The following OTUD5 variants were observed in gnomAD, a reference collection of about 807,000 sequenced individuals.
The protein encoded by OTUD5 is OTU domain-containing protein 5.
In OTUD5, 2 loss-of-function variants were observed where a neutral mutation model predicts 36.3. The ratio of observed to expected loss-of-function variants is 0.06; its 90% CI spans 0.02 to 0.17. OTUD5 has a LOEUF of 0.17. OTUD5 is among the 10% of genes least tolerant of loss of function. OTUD5 has a pLI of 1.00. For missense variants in OTUD5, 233 were observed against 512.3 expected (o/e 0.45, Z 5.26); for synonymous variants, 234 against 214.9 (o/e 1.09, Z -0.78).
In OTUD5 at chrX:48,954,914, G is replaced by A. The variant is rs781868550; in HGVS notation, c.594+2063C>T. ...GGAGGACCTTCTTGGCCCTGGCCAC[G>A]AGGGAGCTCTGGATAAGGGGTTCAT... On this transcript the variant is annotated intron_variant, in intron 1 of 8. Transcript: ENST00000376488. Among the ~76,000 whole-genome samples, 6 of 111,876 alleles carry A rather than the reference G, an allele frequency of 5.4e-5. No homozygotes were observed. The East Asian group carries it at 1.4e-3, about 26-fold the overall frequency.
intron 5 of OTUD5, among the ~76,000 whole-genome samples, chrX:48,932,660 G>A (rs1557049090): frequency 9.0e-6 from 1 of 111,058 alleles, no homozygotes; most frequent in African/African-American, 3.3e-5. Flanking sequence ...AGAAAAAGAG[G>A]AAGCTGGGTG....
At position 48,934,697 on chromosome X, in the gene OTUD5, C is replaced by A. The variant is rs2063804610; in HGVS notation, c.910+14G>T. 8.3e-7 allele frequency: 1 copy of A among 1,204,465 alleles called. No individual in the cohort carries two copies. Among genetic ancestry groups the A allele is most frequent in the African/African-American group, 1.8e-5 (1 of 57,095 alleles). On this transcript the variant is annotated intron_variant, in intron 4 of 8. Coordinates refer to ENST00000376488, the MANE Select transcript of OTUD5 (RefSeq NM_001136157.2). ...AGGCACCATCTTTCCCTCACCTACCCACTGCAGAAGTACCTGTGCTGTACT... is the reference window on the plus strand; with the variant it reads ...AGGCACCATCTTTCCCTCACCTACCAACTGCAGAAGTACCTGTGCTGTACT...
At chrX:48,947,988 G>A (rs1267153071) in intron 1 of OTUD5, among the ~76,000 whole-genome samples, 1 of 112,373 alleles carries the variant, frequency 8.9e-6, no homozygotes, top group African/African-American at 3.2e-5. Context: ...CAGATGCAAA[G>A]GGTGACCTCG....
intron 5 of OTUD5, among the ~76,000 whole-genome samples, chrX:48,932,744 G>A (rs1397120463): frequency 9.0e-6 from 1 of 111,221 alleles, no homozygotes; most frequent in Non-Finnish European, 1.9e-5. Context: ...AAGAGTTCAA[G>A]GTCAGCCTCG....
intron 6 of OTUD5, among the ~76,000 whole-genome samples, chrX:48,924,901 T>C (rs1180072225): frequency 8.9e-6 from 1 of 111,947 alleles, no homozygotes; most frequent in African/African-American, 3.3e-5. Context: ...ACGGGGATCT[T>C]GGTCTGCTGG....
In OTUD5 at chrX:48,939,133, T is replaced by C. The variant is rs181114721; in HGVS notation, c.689-4115A>G. ...ACACAGAAATGTGGCAAAGCTTGCCTGGGATCACAGATTTAGGGGGAGTGA... is the reference window on the plus strand; with the variant it reads ...ACACAGAAATGTGGCAAAGCTTGCCCGGGATCACAGATTTAGGGGGAGTGA... On this transcript the variant is annotated intron_variant, in intron 2 of 8. Coordinates refer to ENST00000376488, the MANE Select transcript of OTUD5 (RefSeq NM_001136157.2). 6.9e-3 allele frequency among the ~76,000 whole-genome samples: 777 copies of C among 111,865 alleles called. 8 individuals are homozygous for C. Among genetic ancestry groups the C allele is most frequent in the African/African-American group, 0.024 (728 of 30,760 alleles).
At chrX:48,944,353 C>T in intron 1 of OTUD5, 70 bp from the exon 2 acceptor site, 1 of 676,549 alleles carries the variant, frequency 1.5e-6, no homozygotes. Flanking sequence ...CGACCTCAAG[C>T]TCCCGAGAGG....
intron 1 of OTUD5, among the ~76,000 whole-genome samples, chrX:48,954,180 T>C (rs1557054569): frequency 1.8e-5 from 2 of 110,835 alleles, no homozygotes; most frequent in Non-Finnish European, 3.8e-5. Context: ...AAGCAGGTCT[T>C]GAACTCCAGG....
At chrX:48,947,537 T>C (rs1331505135) in intron 1 of OTUD5, among the ~76,000 whole-genome samples, 1 of 107,430 alleles carries the variant, frequency 9.3e-6, no homozygotes, top group Non-Finnish European at 1.9e-5. Context: ...ACCCCGTCTC[T>C]ACTGAAAAAT....
chrX:48,927,479 T>A (rs906685619), intron 5 of OTUD5, among the ~76,000 whole-genome samples: 1 of 111,925 alleles, frequency 8.9e-6, no homozygotes, highest in African/African-American at 3.3e-5. Context: ...ATTCCCACAA[T>A]ACTTTTTTGG....
chrX:48,957,629 C>T, upstream of OTUD5: 1 of 801,303 alleles, frequency 1.2e-6, no homozygotes, highest in Non-Finnish European at 1.5e-6. Flanking sequence ...GGAGAGAACC[C>T]GGATGAGGGG....
chrX:48,923,139 G>C lies in OTUD5; in HGVS notation c.*35C>G, dbSNP rs1569513046. 7 of 1,210,670 alleles carry C rather than the reference G, an allele frequency of 5.8e-6. No individual in the cohort carries two copies. The highest frequency in any genetic ancestry group is 7.8e-6 in the Non-Finnish European group (7 of 894,940). ...GTGGCACCGGAGAGCAGGAGTACTGGGGTTGGGAGATGGTGTCCAATCCCT... is the reference window on the plus strand; with the variant it reads ...GTGGCACCGGAGAGCAGGAGTACTGCGGTTGGGAGATGGTGTCCAATCCCT... On this transcript the variant is annotated 3_prime_UTR_variant, in exon 9 of 9. Transcript: ENST00000376488.
chrX:48,951,981 G>A (rs782387138), intron 1 of OTUD5, among the ~76,000 whole-genome samples: 47 of 110,687 alleles, frequency 4.2e-4, no homozygotes, highest in African/African-American at 1.4e-3. Flanking sequence ...ACTTGAACCC[G>A]GAAGCCGGAG....
At chrX:48,935,754 C>A (rs1424081070) in intron 2 of OTUD5, among the ~76,000 whole-genome samples, 1 of 109,721 alleles carries the variant, frequency 9.1e-6, no homozygotes, top group East Asian at 2.9e-4. Flanking sequence ...GCCTGGCCAA[C>A]GTGGTAAAAC....
At chrX:48,950,258 C>G (rs1028413830) in intron 1 of OTUD5, among the ~76,000 whole-genome samples, 1 of 111,033 alleles carries the variant, frequency 9.0e-6, no homozygotes, top group Non-Finnish European at 1.9e-5. Context: ...AATGCAATCA[C>G]AAGTGTCCTT....
In OTUD5 at chrX:48,922,770, A is replaced by T. The variant is rs1485639772; in HGVS notation, c.*404T>A. The T allele has an allele frequency of 6.6e-6, 5 of 761,808 alleles. No individual in the cohort carries two copies. The highest frequency in any genetic ancestry group is 7.7e-6 in the Non-Finnish European group (5 of 645,460). The allele number at this position is 761,808 out of a possible 1,213,427, so 62.8% of individuals were successfully genotyped here. A position where few individuals can be genotyped will look rare whatever the true frequency, so the allele number is the denominator to read the frequency against. Reference sequence around the variant, plus strand: ...GCATCAGTGTCGGGGGGTGGCGGCAAGTTTTTCTCATCTTGGAAGGAATGA... The same window carrying T: ...GCATCAGTGTCGGGGGGTGGCGGCATGTTTTTCTCATCTTGGAAGGAATGA... On this transcript the variant is annotated 3_prime_UTR_variant, in exon 9 of 9. Transcript: ENST00000376488.
At chrX:48,942,248 C>CACACACACAT (rs1233311659) in intron 2 of OTUD5, among the ~76,000 whole-genome samples, 1 of 91,382 alleles carries the variant, frequency 1.1e-5, no homozygotes, top group Non-Finnish European at 2.1e-5. Context: ...CACACATACA[C>CACACACACAT]ACACACACAC....
rs781905691 is a variant in OTUD5, at chrX:48,950,537, CTT to C, written c.595-6256_595-6255del. Among the ~76,000 whole-genome samples, 118 of 83,048 alleles carry C rather than the reference CTT, an allele frequency of 1.4e-3. 1 individual carries two copies. The highest frequency in any genetic ancestry group is 3.0e-3 in the South Asian group (5 of 1,671). The allele number at this position is 83,048 out of a possible 115,157, so 72.1% of individuals were successfully genotyped here. On this transcript the variant is annotated intron_variant, in intron 1 of 8. Transcript: ENST00000376488. ...TGTGACAGAATAAACTTCTCTCTCT[CTT>C]TTTTTTTTTTTTTTTTTTTTTGAGA...
At chrX:48,952,092 CA>C (rs1370783864) in intron 1 of OTUD5, among the ~76,000 whole-genome samples, 2 of 110,785 alleles carry the variant, frequency 1.8e-5, no homozygotes, top group East Asian at 5.6e-4. Flanking sequence ...AACCAAAAAA[CA>C]AAAAAACCCA....
Sources: allele counts gnomAD v4.1 joint callset (sites outside exome capture counted in the v4.1 genomes callset), GRCh38; gene constraint gnomAD v4.1.1; transcripts MANE v1.5; gene names NCBI Gene and HGNC (gene_info 2026-07-23, HGNC 2026-07-21).